Variants in STAG1 observed in about 807,000 individuals in gnomAD.
STAG1 encodes cohesin subunit SA-1.
STAG1 carries 26 observed loss-of-function variants against 170.9 expected under a neutral mutation model. The ratio of observed to expected loss-of-function variants is 0.15; its 90% CI spans 0.11 to 0.21. STAG1 has a LOEUF of 0.21. STAG1 is among the 10% of genes least tolerant of loss of function. The pLI, the probability that STAG1 is intolerant of heterozygous loss-of-function variation, is 1.00. For missense variants in STAG1, 964 were observed against 1,509.5 expected (o/e 0.64, Z 5.99); for synonymous variants, 514 against 497.7 (o/e 1.03, Z -0.44).
intron 5 of STAG1, among the ~76,000 whole-genome samples, chr3:136,551,722 G>A (rs1936414940): frequency 6.6e-6 from 1 of 151,030 alleles, no homozygotes; most frequent in South Asian, 2.1e-4. Context: ...CTCCCACCCA[G>A]CCTCCCAAGC....
At chr3:136,362,605 C>CA (rs1237413699) in intron 26 of STAG1, among the ~76,000 whole-genome samples, 972 of 41,352 alleles carry the variant, frequency 0.024, 9 homozygotes, top group Middle Eastern at 0.052. Flanking sequence ...ATCATCTCTG[C>CA]AAAAAAAAAA....
rs1222207405 is a variant in STAG1, at chr3:136,502,680, A to G, written c.776T>C (p.Ile259Thr). Residue 259 changes from isoleucine (I) to threonine (T), a missense_variant, in exon 8 of 34, where the codon ATT (isoleucine) becomes ACT (threonine). Transcript: ENST00000383202. ...RQYEAERNKM[I>T]GKRANERLEL... Reference sequence around the variant, plus strand: ...CAACCTTTCATTGGCTCTCTTCCCAATCATTTTATTTCTCTCGGCTTCATA... The same window carrying G: ...CAACCTTTCATTGGCTCTCTTCCCAGTCATTTTATTTCTCTCGGCTTCATA... The G allele has an allele frequency of 4.3e-6, 7 of 1,613,744 alleles. No individual in the cohort carries two copies. The highest frequency in any genetic ancestry group is 1.3e-5 in the African/African-American group (1 of 74,906).
At chr3:136,501,257 TA>T (rs1933451755) in intron 8 of STAG1, among the ~76,000 whole-genome samples, 1 of 152,212 alleles carries the variant, frequency 6.6e-6, no homozygotes, top group Non-Finnish European at 1.5e-5. Flanking sequence ...CTCTAGTATT[TA>T]CTTCTATAAT....
chr3:136,395,636 G>A (rs2087128065), intron 22 of STAG1, among the ~76,000 whole-genome samples: 1 of 151,998 alleles, frequency 6.6e-6, no homozygotes, highest in African/African-American at 2.4e-5. Context: ...TTAAAAAAAA[G>A]ACAAAATTTA....
chr3:136,465,881 T>C (rs1182526207), intron 12 of STAG1, among the ~76,000 whole-genome samples: 1 of 152,112 alleles, frequency 6.6e-6, no homozygotes, highest in Non-Finnish European at 1.5e-5. Context: ...CTAATGGTAT[T>C]TTTAAAAAGA....
chr3:136,721,117 C>T (rs965753043), intron 1 of STAG1, among the ~76,000 whole-genome samples: 4 of 152,164 alleles, frequency 2.6e-5, no homozygotes, highest in African/African-American at 9.7e-5. Context: ...CCAAGAAAGC[C>T]TGAGCTGCCA....
chr3:136,677,581 C>A (rs996646886), intron 1 of STAG1, among the ~76,000 whole-genome samples: 2 of 152,088 alleles, frequency 1.3e-5, no homozygotes, highest in Non-Finnish European at 2.9e-5. Flanking sequence ...GTAATTAAGG[C>A]ATGAGGACTC....
rs1389765235 is a variant in STAG1 at position 136,337,885 on chromosome 3, T to A, written c.*369A>T. On this transcript the variant is annotated 3_prime_UTR_variant, in exon 34 of 34. Coordinates refer to ENST00000383202, the MANE Select transcript of STAG1 (RefSeq NM_005862.3). ...CAACAGGAAAATAAAGTTAAAAATA[T>A]GTTTTTTTTTACTCAATGTTGAGTT... is the stretch of plus-strand genomic sequence containing the variant. The A allele has an allele frequency of 1.1e-5, 2 of 178,318 alleles. No individual in the cohort carries two copies. Among genetic ancestry groups the A allele is most frequent in the African/African-American group, 4.7e-5 (2 of 42,736 alleles). 11.0% of individuals were successfully genotyped at this position (178,318 alleles called of 1,614,324 possible).
intron 7 of STAG1, among the ~76,000 whole-genome samples, chr3:136,513,905 A>G (rs192060999): frequency 3.4e-4 from 52 of 152,270 alleles, no homozygotes; most frequent in Non-Finnish European, 7.5e-4. Context: ...AAATTTTAGA[A>G]AATGAGGCAT....
At chr3:136,498,233 T>TACACACACAC (rs1276688144) in intron 9 of STAG1, among the ~76,000 whole-genome samples, 1 of 57,512 alleles carries the variant, frequency 1.7e-5, no homozygotes, top group African/African-American at 1.0e-4. Flanking sequence ...TATATATATA[T>TACACACACAC]ACACATACAT....
intron 14 of STAG1, among the ~76,000 whole-genome samples, chr3:136,450,123 C>T (rs1023383552): frequency 3.3e-5 from 5 of 151,996 alleles, no homozygotes; most frequent in Non-Finnish European, 7.4e-5. Context: ...GTGATATTTA[C>T]GGGGTAGTTA....
chr3:136,477,034 G>A (rs1480354063), intron 10 of STAG1, among the ~76,000 whole-genome samples: 1 of 152,008 alleles, frequency 6.6e-6, no homozygotes, highest in East Asian at 1.9e-4. Flanking sequence ...TTCTTTCTCT[G>A]AAAACTTTAT....
chr3:136,409,522 A>G (rs1400434498), intron 21 of STAG1, among the ~76,000 whole-genome samples: 1 of 152,026 alleles, frequency 6.6e-6, no homozygotes, highest in African/African-American at 2.4e-5. Flanking sequence ...TTTTTAGTAT[A>G]GATGGGGTTT....
chr3:136,569,148 A>G (rs1937177119), intron 4 of STAG1, among the ~76,000 whole-genome samples: 1 of 152,252 alleles, frequency 6.6e-6, no homozygotes, highest in South Asian at 2.1e-4. Flanking sequence ...TATAGATAAT[A>G]TTCAAACCAT....
At position 136,422,527 on chromosome 3, in the gene STAG1, A is replaced by G; in HGVS notation, c.1920T>C (p.Tyr640=). The G allele has an allele frequency of 6.2e-7, 1 of 1,614,080 alleles. No homozygotes were observed. Among genetic ancestry groups the G allele is most frequent in the East Asian group, 2.2e-5 (1 of 44,856 alleles). ...SDVLEACSKT[Y]SILCSEEYTI... ...TATATTCTTCACTGCATAAGATACT[A>G]TAGGTTTTACTGCAGGCTTCTAGAA... The change falls in exon 19 of 34, where the codon TAT becomes TAC. Residue 640 remains tyrosine, a synonymous_variant. Transcript: ENST00000383202.
intron 4 of STAG1, 78 bp from the exon 5 acceptor site, chr3:136,568,939 G>T: frequency 1.1e-6 from 1 of 947,160 alleles, no homozygotes; most frequent in Non-Finnish European, 1.6e-6. Context: ...AAAAGTTTGT[G>T]TGTTTGTGTG....
intron 3 of STAG1, 110 bp downstream of exon 3, chr3:136,623,036 A>G: frequency 1.1e-6 from 1 of 875,506 alleles, no homozygotes; most frequent in Non-Finnish European, 1.7e-6. Context: ...CTATTGTGTC[A>G]CTGAATTTTT....
rs184125304 is a variant in STAG1, at chr3:136,644,462, T to C, written c.-83-13481A>G. ...CCTCTGATCAGGTTTCTCCTCTTTA[T>C]TTCTCTAGTGTTTCCCACTGACAAG... On this transcript the variant is annotated intron_variant, in intron 1 of 33. Coordinates refer to ENST00000383202, the MANE Select transcript of STAG1 (RefSeq NM_005862.3). Among the ~76,000 whole-genome samples, 17 of 152,332 alleles carry C rather than the reference T, an allele frequency of 1.1e-4. 1 individual carries two copies. The East Asian group carries it at 3.3e-3, about 29-fold the overall frequency.
At chr3:136,566,037 A>T (rs1308783403) in intron 5 of STAG1, among the ~76,000 whole-genome samples, 2 of 152,194 alleles carry the variant, frequency 1.3e-5, no homozygotes, top group Non-Finnish European at 2.9e-5. Flanking sequence ...AAGAACAAAT[A>T]GTGATTACCT....
Sources: gnomAD v4.1 joint callset for allele counts (sites outside exome capture counted in the v4.1 genomes callset) on GRCh38, gnomAD v4.1.1 for gene constraint, MANE v1.5 for transcripts, NCBI Gene and HGNC (gene_info 2026-07-23, HGNC 2026-07-21) for gene names.